Variants in ERI3 observed in about 807,000 individuals in gnomAD.
The protein encoded by ERI3 is ERI1 exoribonuclease family member 3, also known as ERI1 exoribonuclease 3.
ERI3 carries 18 observed loss-of-function variants against 44.4 expected under a neutral mutation model. The observed-to-expected ratio is 0.41, with a 90% CI of 0.28 to 0.60. The LOEUF is 0.60. Ranked by LOEUF, ERI3 falls within the 20% of genes least tolerant of loss-of-function variation. ERI3 has a pLI of 0.36. For synonymous variants in ERI3, 183 were observed against 164.8 expected, an observed-to-expected ratio of 1.11 and a Z score of -0.84; for missense variants, 294 against 435.5, an observed-to-expected ratio of 0.68 and a Z score of 2.89.
intron 6 of ERI3, among the ~76,000 whole-genome samples, chr1:44,306,772 G>C (rs1174672584): frequency 6.6e-6 from 1 of 152,256 alleles, no homozygotes; most frequent in Non-Finnish European, 1.5e-5. Flanking sequence ...AACAACACTG[G>C]ATGAAGGGAG....
intron 3 of ERI3, 64 bp from the exon 4 acceptor site, chr1:44,319,808 G>A: frequency 8.3e-7 from 1 of 1,205,082 alleles, no homozygotes; most frequent in Non-Finnish European, 1.2e-6. Context: ...TCCAACAGTA[G>A]CTCCAAGTCA....
intron 6 of ERI3, among the ~76,000 whole-genome samples, chr1:44,300,747 C>T (rs1188149760): frequency 6.6e-6 from 1 of 152,164 alleles, no homozygotes; most frequent in East Asian, 1.9e-4. Context: ...CAGGAGGGGG[C>T]TTTCATGTTT....
intron 7 of ERI3, among the ~76,000 whole-genome samples, chr1:44,250,583 A>T (rs574796238): frequency 8.5e-5 from 13 of 152,298 alleles, no homozygotes; most frequent in South Asian, 6.2e-4. Context: ...CCTTTCAGGA[A>T]GGGCAGTCTG....
chr1:44,262,963 GCTC>G (rs1644923910), intron 7 of ERI3, among the ~76,000 whole-genome samples: 1 of 152,112 alleles, frequency 6.6e-6, no homozygotes, highest in Non-Finnish European at 1.5e-5. Flanking sequence ...TCCAGCCACA[GCTC>G]TCAAGTTTGC....
At chr1:44,315,694 T>TC (rs1376518331) in intron 4 of ERI3, among the ~76,000 whole-genome samples, 1 of 152,176 alleles carries the variant, frequency 6.6e-6, no homozygotes, top group Non-Finnish European at 1.5e-5. Flanking sequence ...GCTGAGCTCC[T>TC]CAAGGATTTG....
chr1:44,353,081 T>C (rs1646929100), intron 1 of ERI3, 156 bp from the exon 2 acceptor site: 2 of 985,298 alleles, frequency 2.0e-6, no homozygotes, highest in East Asian at 1.1e-4. Context: ...CAGAAACTAT[T>C]AGTACTACAT....
At chr1:44,335,459 C>A (rs1646514823) in intron 3 of ERI3, among the ~76,000 whole-genome samples, 1 of 152,022 alleles carries the variant, frequency 6.6e-6, no homozygotes, top group African/African-American at 2.4e-5. Flanking sequence ...GGCATGCAGA[C>A]CTTACTCATA....
chr1:44,310,788 C>T (rs962398010), intron 5 of ERI3, among the ~76,000 whole-genome samples: 3 of 152,042 alleles, frequency 2.0e-5, no homozygotes, highest in African/African-American at 7.2e-5. Flanking sequence ...AGCTGCTCCC[C>T]GGTGCCAGAC....
intron 7 of ERI3, among the ~76,000 whole-genome samples, chr1:44,278,597 T>C (rs540338851): frequency 1.7e-3 from 259 of 151,182 alleles, no homozygotes; most frequent in African/African-American, 5.9e-3. Flanking sequence ...AGAAAGTTTT[T>C]AATTAATTAA....
At chr1:44,283,941 C>T (rs1028993187) in intron 7 of ERI3, 5 of 463,740 alleles carry the variant, frequency 1.1e-5, no homozygotes, top group East Asian at 1.4e-4. Context: ...CCTAGCCTCA[C>T]CCCCCTTGAC....
chr1:44,294,124 A>C (rs1645563603), intron 6 of ERI3, among the ~76,000 whole-genome samples: 1 of 152,290 alleles, frequency 6.6e-6, no homozygotes, highest in African/African-American at 2.4e-5. Context: ...TGGTTTCCCT[A>C]TAGTACAGAT....
intron 8 of ERI3, among the ~76,000 whole-genome samples, chr1:44,234,319 C>G (rs540667011): frequency 6.6e-6 from 1 of 152,338 alleles, no homozygotes; most frequent in African/African-American, 2.4e-5. Flanking sequence ...CCCTGCCAAT[C>G]TTTCTTCCAT....
At chr1:44,231,351 C>G (rs939953218) in intron 8 of ERI3, among the ~76,000 whole-genome samples, 5 of 152,022 alleles carry the variant, frequency 3.3e-5, no homozygotes, top group Admixed American at 6.6e-5. Flanking sequence ...TATATTGTCT[C>G]TCCTGTATTC....
intron 8 of ERI3, among the ~76,000 whole-genome samples, chr1:44,233,337 C>A (rs1449249127): frequency 6.6e-6 from 1 of 152,096 alleles, no homozygotes; most frequent in Non-Finnish European, 1.5e-5. Flanking sequence ...CACACAGAAG[C>A]CACTCTCCTG....
At chr1:44,322,014 G>GA (rs1261252583) in intron 3 of ERI3, among the ~76,000 whole-genome samples, 1 of 151,958 alleles carries the variant, frequency 6.6e-6, no homozygotes, top group Non-Finnish European at 1.5e-5. Flanking sequence ...AACATTAATA[G>GA]AAAAAAACCC....
At chr1:44,284,121 C>A in intron 7 of ERI3, 1 of 468,288 alleles carries the variant, frequency 2.1e-6, no homozygotes, top group Non-Finnish European at 4.4e-6. Context: ...ACTGGGCCTC[C>A]TGGAGCAAGG....
intron 5 of ERI3, among the ~76,000 whole-genome samples, chr1:44,310,939 T>C (rs1645942694): frequency 1.4e-5 from 2 of 146,888 alleles, no homozygotes; most frequent in East Asian, 2.0e-4. Flanking sequence ...ACTCCTTGCA[T>C]GTATGTGCAC....
At chr1:44,280,937 G>C (rs572235086) in intron 7 of ERI3, among the ~76,000 whole-genome samples, 1 of 152,248 alleles carries the variant, frequency 6.6e-6, no homozygotes, top group South Asian at 2.1e-4. Flanking sequence ...TGTGTGCCAG[G>C]AACTATTCAG....
At chr1:44,327,370 G>A (rs760361466) in intron 3 of ERI3, among the ~76,000 whole-genome samples, 2 of 152,226 alleles carry the variant, frequency 1.3e-5, no homozygotes, top group African/African-American at 2.4e-5. Context: ...TATCTCAACA[G>A]CTTATTAGGA....
Sources: allele counts gnomAD v4.1 joint callset (sites outside exome capture counted in the v4.1 genomes callset), GRCh38; gene constraint gnomAD v4.1.1; transcripts MANE v1.5; gene names NCBI Gene and HGNC (gene_info 2026-07-23, HGNC 2026-07-21).